The following TAF15 variants were observed in gnomAD, a reference collection of about 807,000 sequenced individuals.
TAF15 encodes TATA-box binding protein associated factor 15, also known as TATA-binding protein-associated factor 2N.
TAF15 carries 37 observed loss-of-function variants against 102.5 expected under a neutral mutation model. That is an observed-to-expected ratio of 0.36 (90% CI 0.28 to 0.47). The LOEUF (loss-of-function observed/expected upper bound fraction) is 0.47, where lower values mean the gene tolerates loss of function less well. Among genes scored for constraint, TAF15 ranks in the 20% least tolerant of loss-of-function variants. The probability of loss-of-function intolerance (pLI) is 0.99; values close to 1 mark genes in which losing one functional copy is unlikely to be tolerated. For synonymous variants in TAF15, 273 were observed against 259.2 expected (o/e 1.05, Z -0.51); for missense variants, 652 against 760.7 (o/e 0.86, Z 1.68).
At chr17:35,823,284 GTAAA>G (rs924054182) in intron 6 of TAF15, among the ~76,000 whole-genome samples, 19 of 152,314 alleles carry the variant, frequency 1.2e-4, no homozygotes, top group South Asian at 2.1e-4. Context: ...GAATGAATAA[GTAAA>G]TAAGTAAAAG....
chr17:35,831,341 A>G (rs1442017470), intron 7 of TAF15, among the ~76,000 whole-genome samples: 2 of 150,900 alleles, frequency 1.3e-5, no homozygotes, highest in African/African-American at 4.9e-5. Flanking sequence ...CAGGAGGCGG[A>G]GCTTGCAGTG....
At chr17:35,816,222 T>A (rs187986945) in intron 1 of TAF15, among the ~76,000 whole-genome samples, 1 of 152,232 alleles carries the variant, frequency 6.6e-6, no homozygotes, top group Non-Finnish European at 1.5e-5. Context: ...CACCCACTTA[T>A]ATTTGGTGGC....
chr17:35,830,587 G>C (rs55931024), intron 7 of TAF15, among the ~76,000 whole-genome samples: 1 of 152,276 alleles, frequency 6.6e-6, no homozygotes, highest in African/African-American at 2.4e-5. Context: ...ATATCTAATA[G>C]TACTACTTGA....
chr17:35,828,469 T>G (rs947212293), intron 7 of TAF15, among the ~76,000 whole-genome samples: 1 of 152,250 alleles, frequency 6.6e-6, no homozygotes, highest in Non-Finnish European at 1.5e-5. Flanking sequence ...CATGATGGCC[T>G]GCGCCTGTAA....
chr17:35,846,100 A>G (rs183547491), intron 15 of TAF15, among the ~76,000 whole-genome samples: 2 of 152,326 alleles, frequency 1.3e-5, no homozygotes, highest in African/African-American at 4.8e-5. Flanking sequence ...CAATTATTAT[A>G]CTAAGGACCT....
In TAF15 at chr17:35,842,355, CT is replaced by C. The variant is rs775667774; in HGVS notation, c.914-6del. Reference sequence around the variant, plus strand: ...AGTAGCATTGCTTCAAAGCTGATTTCTTTTTTCTTAGGAAAAGAATTCCATG... The same window carrying C: ...AGTAGCATTGCTTCAAAGCTGATTTCTTTTTCTTAGGAAAAGAATTCCATG... On this transcript the variant is annotated splice_polypyrimidine_tract_variant and intron_variant, in intron 11 of 15. Transcript: ENST00000605844. 4.3e-6 allele frequency: 7 copies of C among 1,609,642 alleles called. No individual in the cohort carries two copies. In the African/African-American group the frequency reaches 5.3e-5, roughly 12 times the overall value.
intron 11 of TAF15, among the ~76,000 whole-genome samples, chr17:35,840,340 C>T (rs913296828): frequency 2.7e-5 from 4 of 150,092 alleles, no homozygotes; most frequent in African/African-American, 7.4e-5. Context: ...GAACCTCCGC[C>T]TCCTGGGTTC....
At chr17:35,830,139 C>A (rs1207958420) in intron 7 of TAF15, 1 of 149,600 alleles carries the variant, frequency 6.7e-6, no homozygotes, top group Non-Finnish European at 1.5e-5. Flanking sequence ...AAACTCTTGT[C>A]TCAGAAAAAA....
chr17:35,824,375 C>T (rs1345317049), intron 7 of TAF15, 177 bp downstream of exon 7: 12 of 815,488 alleles, frequency 1.5e-5, no homozygotes, highest in Non-Finnish European at 2.0e-5. Context: ...TAATATCTCA[C>T]ATAAATGACC....
chr17:35,831,406 C>CA (rs768297689), intron 7 of TAF15, among the ~76,000 whole-genome samples: 3,921 of 77,214 alleles, frequency 0.051, 128 homozygotes, highest in African/African-American at 0.14. Context: ...GACTCCGTCG[C>CA]AAAAAAAAAA....
intron 6 of TAF15, 59 bp downstream of exon 6, chr17:35,822,892 T>A: frequency 6.3e-7 from 1 of 1,597,012 alleles, no homozygotes; most frequent in Admixed American, 1.7e-5. Flanking sequence ...TTGTATGAAT[T>A]TCTGATTAAA....
chr17:35,814,974 A>G (rs951475126), intron 1 of TAF15, among the ~76,000 whole-genome samples: 4 of 152,222 alleles, frequency 2.6e-5, no homozygotes, highest in Admixed American at 1.3e-4. Context: ...TTGTGTAATT[A>G]ATAGATCAGG....
intron 7 of TAF15, among the ~76,000 whole-genome samples, chr17:35,830,566 ATCT>A (rs1225128990): frequency 2.6e-5 from 4 of 152,248 alleles, no homozygotes; most frequent in Non-Finnish European, 4.4e-5. Context: ...CCTCAGGCAC[ATCT>A]TCTGTTAATA....
chr17:35,820,529 C>CTTT, intron 5 of TAF15, 92 bp downstream of exon 5: 3 of 959,706 alleles, frequency 3.1e-6, no homozygotes, highest in Non-Finnish European at 4.5e-6. Context: ...TAGCTTTAAA[C>CTTT]TTTTTTTTTT....
At chr17:35,831,845 G>A (rs377362411) in intron 7 of TAF15, among the ~76,000 whole-genome samples, 52 of 152,258 alleles carry the variant, frequency 3.4e-4, no homozygotes, top group Middle Eastern at 3.4e-3. Context: ...CACTTTGGGA[G>A]CCTGAGGCGG....
chr17:35,829,708 G>A (rs1488214949), intron 7 of TAF15, among the ~76,000 whole-genome samples: 1 of 147,574 alleles, frequency 6.8e-6, no homozygotes, highest in Non-Finnish European at 1.5e-5. Context: ...TTTCTTTCTT[G>A]AGAAGCATCT....
At chr17:35,829,718 T>C (rs1225341429) in intron 7 of TAF15, among the ~76,000 whole-genome samples, 3 of 150,980 alleles carry the variant, frequency 2.0e-5, no homozygotes, top group African/African-American at 4.9e-5. Context: ...GAGAAGCATC[T>C]GAAATGGAAT....
In TAF15 at chr17:35,809,547, C is replaced by T. The variant is rs760977336; in HGVS notation, c.-23C>T. ...TCGTTGTTCTCGGCGGGCTGTGGGG[C>T]CTCCGCGCCGCGGCCGTTAGTCATG... On this transcript the variant is annotated 5_prime_UTR_variant, in exon 1 of 16. Transcript: ENST00000605844. 1.9e-6 allele frequency: 3 copies of T among 1,613,076 alleles called. No homozygotes were observed. Among genetic ancestry groups the T allele is most frequent in the Non-Finnish European group, 1.7e-6 (2 of 1,179,794 alleles).
rs374463934 is a variant in TAF15 at position 35,844,135 on chromosome 17, T to A, written c.1065T>A (p.Ser355Arg). 8.7e-6 allele frequency: 14 copies of A among 1,613,574 alleles called. No homozygotes were observed. The highest frequency in any genetic ancestry group is 1.2e-5 in the Non-Finnish European group (14 of 1,179,900). The change falls in exon 13 of 16, where the codon AGT becomes AGA. Residue 355 changes from serine to arginine, a missense_variant. Physicochemically the swap from Ser to Arg is moderately radical, Grantham distance 110 (BLOSUM62 -1). Transcript: ENST00000605844. The part of the protein sequence containing the change: ...GFQGRGGDPK[S>R]GDWVCPNPSC... The stretch of plus-strand genomic sequence containing the variant: ...AAGGGAGAGGTGGAGACCCCAAAAG[T>A]GGGGATTGGGTTTGCCCTAATCCGT...
Sources: gnomAD v4.1 joint callset for allele counts (sites outside exome capture counted in the v4.1 genomes callset) on GRCh38, gnomAD v4.1.1 for gene constraint, MANE v1.5 for transcripts, NCBI Gene and HGNC (gene_info 2026-07-23, HGNC 2026-07-21) for gene names.